The following CSMD1 variants were observed in gnomAD, a reference collection of about 807,000 sequenced individuals.
CSMD1 encodes the protein CUB and Sushi multiple domains 1.
In CSMD1, 213 loss-of-function variants were observed where a neutral mutation model predicts 417.5. The observed-to-expected ratio is 0.51, with a 90% CI of 0.46 to 0.57. The LOEUF is 0.57. CSMD1 is among the 20% of genes least tolerant of loss of function. The probability of loss-of-function intolerance (pLI) is 0.00; values close to 1 mark genes in which losing one functional copy is unlikely to be tolerated. For missense variants in CSMD1, 6,923 were observed against 4,529.7 expected (o/e 1.53, Z -15.17); for synonymous variants, 2,862 against 1,736.8 (o/e 1.65, Z -16.11).
intron 4 of CSMD1, among the ~76,000 whole-genome samples, chr8:4,003,282 A>G (rs1585114241): frequency 6.6e-6 from 1 of 152,060 alleles, no homozygotes. Context: ...AATCCCAGCT[A>G]CTCGCGAGGC....
chr8:3,487,220 G>C (rs1264287297), intron 11 of CSMD1, among the ~76,000 whole-genome samples: 2 of 152,058 alleles, frequency 1.3e-5, no homozygotes, highest in African/African-American at 2.4e-5. Context: ...TTTAGTTTTT[G>C]AGACAGAGTC....
chr8:3,861,188 T>C (rs967312307), intron 5 of CSMD1, among the ~76,000 whole-genome samples: 1 of 152,178 alleles, frequency 6.6e-6, no homozygotes, highest in Non-Finnish European at 1.5e-5. Context: ...CACCTGTTTC[T>C]TGGCAACGAG....
chr8:4,251,798 G>C (rs1035543322), intron 3 of CSMD1, among the ~76,000 whole-genome samples: 1 of 149,178 alleles, frequency 6.7e-6, no homozygotes, highest in African/African-American at 2.5e-5. Context: ...GAGGAGGAAA[G>C]ATGGAGAAGG....
At chr8:4,149,062 C>A (rs1463264798) in intron 3 of CSMD1, among the ~76,000 whole-genome samples, 1 of 151,684 alleles carries the variant, frequency 6.6e-6, no homozygotes, top group Admixed American at 6.6e-5. Context: ...CTCCCAGGTT[C>A]AAGCGATTCT....
At chr8:3,156,104 G>C (rs555988768) in intron 39 of CSMD1, among the ~76,000 whole-genome samples, 5 of 152,348 alleles carry the variant, frequency 3.3e-5, no homozygotes, top group African/African-American at 1.2e-4. Flanking sequence ...AACAGAATGT[G>C]AATAGCTCCC....
chr8:3,742,699 T>C, intron 6 of CSMD1, among the ~76,000 whole-genome samples: 1 of 151,102 alleles, frequency 6.6e-6, no homozygotes, highest in East Asian at 1.9e-4. Context: ...TTTAATCACC[T>C]GAGAAGCTTG....
chr8:2,987,775 G>A (rs939316379), intron 54 of CSMD1, among the ~76,000 whole-genome samples: 13 of 152,272 alleles, frequency 8.5e-5, no homozygotes, highest in African/African-American at 3.1e-4. Flanking sequence ...GGGCAGCTTC[G>A]GGGAGACTGG....
intron 3 of CSMD1, among the ~76,000 whole-genome samples, chr8:4,283,452 A>G (rs1796897784): frequency 6.6e-6 from 1 of 152,318 alleles, no homozygotes; most frequent in Middle Eastern, 3.4e-3. Context: ...AATGCAAATT[A>G]TCTCTTGCAT....
At chr8:3,591,862 G>T (rs1800862666) in intron 8 of CSMD1, among the ~76,000 whole-genome samples, 1 of 152,086 alleles carries the variant, frequency 6.6e-6, no homozygotes, top group Non-Finnish European at 1.5e-5. Context: ...ATAAATAGAT[G>T]ATAGATGAAT....
In CSMD1 at chr8:4,078,241, CG is replaced by C. The variant is rs1799935570; in HGVS notation, c.416-46143del. ...CTTTTAATTTTCTTACACATATAAA[CG>C]TATTACGTAATTGCACTATGCATTG... On this transcript the variant is annotated intron_variant, in intron 3 of 69. Transcript: ENST00000635120. 2.6e-5 allele frequency among the ~76,000 whole-genome samples: 4 copies of C among 151,576 alleles called. No individual in the cohort carries two copies. The South Asian group carries it at 8.3e-4, about 32-fold the overall frequency.
At chr8:4,239,190 A>T (rs1295194667) in intron 3 of CSMD1, among the ~76,000 whole-genome samples, 1 of 152,182 alleles carries the variant, frequency 6.6e-6, no homozygotes, top group South Asian at 2.1e-4. Flanking sequence ...ATCTTCTTAC[A>T]TTAGAGATAC....
chr8:3,243,737 A>T (rs989548174), intron 26 of CSMD1, among the ~76,000 whole-genome samples: 2 of 151,258 alleles, frequency 1.3e-5, no homozygotes, highest in African/African-American at 4.8e-5. Flanking sequence ...TATGAAAATT[A>T]CAAATATTAT....
chr8:4,806,259 A>C (rs1419343715), intron 1 of CSMD1, among the ~76,000 whole-genome samples: 1 of 152,188 alleles, frequency 6.6e-6, no homozygotes, highest in African/African-American at 2.4e-5. Context: ...TGCAGTGTGC[A>C]CATGCTCGGA....
intron 5 of CSMD1, among the ~76,000 whole-genome samples, chr8:3,899,996 G>A (rs1373851477): frequency 1.3e-5 from 2 of 152,246 alleles, no homozygotes; most frequent in African/African-American, 2.4e-5. Context: ...AGCTACAGCT[G>A]GTTGACAATG....
At chr8:3,370,208 G>T (rs890337928) in intron 18 of CSMD1, among the ~76,000 whole-genome samples, 2 of 152,112 alleles carry the variant, frequency 1.3e-5, no homozygotes, top group African/African-American at 4.8e-5. Context: ...ATATTGACAC[G>T]TTCCCGCCAA....
intron 17 of CSMD1, among the ~76,000 whole-genome samples, chr8:3,391,524 C>T (rs1234680999): frequency 6.6e-6 from 1 of 152,162 alleles, no homozygotes; most frequent in Admixed American, 6.6e-5. Flanking sequence ...AGACACTGTG[C>T]CACATTCCTC....
intron 3 of CSMD1, among the ~76,000 whole-genome samples, chr8:4,033,974 G>C (rs900208846): frequency 6.6e-6 from 1 of 152,148 alleles, no homozygotes; most frequent in African/African-American, 2.4e-5. Context: ...ATTCAAGTAA[G>C]CTATGAAACT....
At chr8:3,703,190 G>C (rs1484793428) in intron 7 of CSMD1, among the ~76,000 whole-genome samples, 1 of 152,178 alleles carries the variant, frequency 6.6e-6, no homozygotes, top group Non-Finnish European at 1.5e-5. Flanking sequence ...AATGTTGAGA[G>C]TCGCCCTCAC....
chr8:4,144,371 G>A (rs923571133), intron 3 of CSMD1, among the ~76,000 whole-genome samples: 3 of 151,154 alleles, frequency 2.0e-5, no homozygotes, highest in South Asian at 2.1e-4. Flanking sequence ...TGATAAGGGT[G>A]TGTTTTTAGA....
Sources: allele counts gnomAD v4.1 joint callset (sites outside exome capture counted in the v4.1 genomes callset), GRCh38; gene constraint gnomAD v4.1.1; transcripts MANE v1.5; gene names NCBI Gene and HGNC (gene_info 2026-07-23, HGNC 2026-07-21).